XRCC5: variants seen among roughly 807,000 people sequenced by gnomAD.
The protein encoded by XRCC5 is DNA repair protein Ku80.
XRCC5 carries 12 observed loss-of-function variants against 95.7 expected under a neutral mutation model. The observed-to-expected ratio is 0.13, with a 90% CI of 0.08 to 0.20. The LOEUF (loss-of-function observed/expected upper bound fraction) is 0.20, where lower values mean the gene tolerates loss of function less well. XRCC5 is among the 10% of genes least tolerant of loss of function. XRCC5 has a pLI of 1.00. For synonymous variants in XRCC5, 281 were observed against 290.3 expected (o/e 0.97, Z 0.33); for missense variants, 595 against 873.9 (o/e 0.68, Z 4.02).
At chr2:216,162,634 TGCCA>T (rs1688974504) in intron 16 of XRCC5, among the ~76,000 whole-genome samples, 1 of 152,074 alleles carries the variant, frequency 6.6e-6, no homozygotes, top group African/African-American at 2.4e-5. Flanking sequence ...TCAGGTGATC[TGCCA>T]GCCTCAGCCT....
intron 14 of XRCC5, among the ~76,000 whole-genome samples, chr2:216,157,377 G>GT (rs1249468491): frequency 6.6e-6 from 1 of 152,002 alleles, no homozygotes; most frequent in Non-Finnish European, 1.5e-5. Context: ...GGGACTACAG[G>GT]TGCCCGCCAC....
chr2:216,200,451 G>A (rs1689815441), intron 19 of XRCC5, among the ~76,000 whole-genome samples: 1 of 152,112 alleles, frequency 6.6e-6, no homozygotes, highest in Non-Finnish European at 1.5e-5. Context: ...TACAAGAAAA[G>A]TAATAATGAA....
chr2:216,149,528 A>G (rs1203697689), intron 14 of XRCC5, among the ~76,000 whole-genome samples: 1 of 152,180 alleles, frequency 6.6e-6, no homozygotes, highest in Non-Finnish European at 1.5e-5. Flanking sequence ...TTGTATTTTA[A>G]AACAGTTCAA....
At chr2:216,113,386 A>G (rs1256169697) in intron 2 of XRCC5, among the ~76,000 whole-genome samples, 1 of 152,174 alleles carries the variant, frequency 6.6e-6, no homozygotes, top group Non-Finnish European at 1.5e-5. Flanking sequence ...GTAATGTTTA[A>G]AAGCACAATC....
chr2:216,132,211 G>C (rs1460504976), intron 9 of XRCC5, 114 bp from the exon 10 acceptor site: 9 of 943,638 alleles, frequency 9.5e-6, no homozygotes, highest in African/African-American at 1.6e-5. Context: ...GGTGTTTTTA[G>C]TATCTGAATG....
At chr2:216,163,030 C>G (rs780050296) in intron 16 of XRCC5, among the ~76,000 whole-genome samples, 22 of 152,200 alleles carry the variant, frequency 1.4e-4, no homozygotes, top group Non-Finnish European at 2.9e-4. Context: ...TATTGCTGGT[C>G]CAAGTCTGGC....
At chr2:216,148,726 A>G (rs961763210) in intron 14 of XRCC5, among the ~76,000 whole-genome samples, 1 of 152,180 alleles carries the variant, frequency 6.6e-6, no homozygotes, top group African/African-American at 2.4e-5. Flanking sequence ...AAAACTATCA[A>G]TTCTTCAGCC....
rs922686828 is a variant in XRCC5, at chr2:216,155,673, G to A, written c.1671-4395G>A. Among the ~76,000 whole-genome samples the A allele has an allele frequency of 2.0e-4, 30 of 152,132 alleles. 1 individual carries two copies. The highest frequency in any genetic ancestry group is 7.0e-4 in the African/African-American group (29 of 41,422). ...ACAGCCACATGGACAGATCTCTAAG[G>A]TCACCACTGAAGGAAAATTAAGAAA... On this transcript the variant is annotated intron_variant, in intron 14 of 20. Transcript: ENST00000392132.
chr2:216,156,073 A>G (rs150703489), intron 14 of XRCC5, among the ~76,000 whole-genome samples: 98 of 152,330 alleles, frequency 6.4e-4, no homozygotes, highest in African/African-American at 2.3e-3. Flanking sequence ...TGCTCAGTCA[A>G]CCTTCTGCCT....
intron 15 of XRCC5, 47 bp downstream of exon 15, chr2:216,160,208 G>T: frequency 7.5e-7 from 1 of 1,331,364 alleles, no homozygotes. Context: ...AGGAAGGTTG[G>T]GGCTTGAGGG....
intron 14 of XRCC5, 55 bp downstream of exon 14, chr2:216,148,331 T>C (rs1318472395): frequency 6.6e-7 from 1 of 1,513,858 alleles, no homozygotes; most frequent in Non-Finnish European, 8.9e-7. Context: ...GTTGTGGTCA[T>C]TTTAGAGTGG....
At chr2:216,156,433 T>G (rs1688843834) in intron 14 of XRCC5, 1 of 783,448 alleles carries the variant, frequency 1.3e-6, no homozygotes, top group Admixed American at 1.8e-5. Flanking sequence ...ACCTTGTAGC[T>G]TTTGTAGTCT....
At chr2:216,174,760 T>C (rs1689239319) in intron 16 of XRCC5, 1 of 184,636 alleles carries the variant, frequency 5.4e-6, no homozygotes, top group Admixed American at 6.0e-5. Context: ...TGACCATGGA[T>C]CACCATTCCT....
chr2:216,113,169 G>A (rs1160731377), intron 2 of XRCC5, 40 bp downstream of exon 2: 1 of 1,552,326 alleles, frequency 6.4e-7, no homozygotes, highest in Non-Finnish European at 8.9e-7. Context: ...ACCCATGTTT[G>A]AACTGCTTGT....
intron 9 of XRCC5, among the ~76,000 whole-genome samples, 169 bp from the exon 10 acceptor site, chr2:216,132,156 C>T (rs1697005796): frequency 6.6e-6 from 1 of 152,172 alleles, no homozygotes; most frequent in Non-Finnish European, 1.5e-5. Flanking sequence ...ATGCTGGGTG[C>T]TCAGATATTT....
chr2:216,132,281 G>T (rs767329814), intron 9 of XRCC5, 44 bp from the exon 10 acceptor site: 47 of 1,579,188 alleles, frequency 3.0e-5, no homozygotes, highest in Non-Finnish European at 4.0e-5. Context: ...GGTTATACAT[G>T]TTACTTATTT....
rs527941983 is a variant in XRCC5 at position 216,112,213 on chromosome 2, A to G, written c.22-803A>G. On this transcript the variant is annotated intron_variant, in intron 1 of 20. Coordinates refer to ENST00000392132, the MANE Select transcript of XRCC5 (RefSeq NM_021141.4). ...TTAGTCTCCTACATACGTGATTGCTATGTAATGGCTTGTGCCTTAGCTTAT... is the reference window on the plus strand; with the variant it reads ...TTAGTCTCCTACATACGTGATTGCTGTGTAATGGCTTGTGCCTTAGCTTAT... Among the ~76,000 whole-genome samples the G allele has an allele frequency of 1.2e-4, 18 of 152,292 alleles. No individual in the cohort carries two copies. In the South Asian group the frequency reaches 3.1e-3, roughly 26 times the overall value.
chr2:216,140,113 A>C (rs761013471), intron 12 of XRCC5, among the ~76,000 whole-genome samples: 1 of 152,200 alleles, frequency 6.6e-6, no homozygotes, highest in African/African-American at 2.4e-5. Context: ...TGAATTAGCA[A>C]GTTCAAGATG....
chr2:216,111,287 G>A (rs1297223617), intron 1 of XRCC5: 7 of 362,624 alleles, frequency 1.9e-5, no homozygotes, highest in East Asian at 1.0e-4. Flanking sequence ...TTTGGGAGGC[G>A]GAGGTGGGAG....
Sources: allele counts gnomAD v4.1 joint callset (sites outside exome capture counted in the v4.1 genomes callset), GRCh38; gene constraint gnomAD v4.1.1; transcripts MANE v1.5; gene names NCBI Gene and HGNC (gene_info 2026-07-23, HGNC 2026-07-21).